The following CCDC47 variants were observed in gnomAD, a reference collection of about 807,000 sequenced individuals.
CCDC47 encodes coiled-coil domain containing 47.
CCDC47 carries 41 observed loss-of-function variants against 60.5 expected under a neutral mutation model. The ratio of observed to expected loss-of-function variants is 0.68; its 90% CI spans 0.53 to 0.88. CCDC47 has a LOEUF of 0.88. Ranked by LOEUF, CCDC47 falls within the 40% of genes least tolerant of loss-of-function variation. CCDC47 has a pLI of 0.00. For synonymous variants in CCDC47, 195 were observed against 190.7 expected (o/e 1.02, Z -0.18); for missense variants, 513 against 580.9 (o/e 0.88, Z 1.20).
chr17:63,751,902 C>T (rs1183296144), intron 12 of CCDC47, 38 bp downstream of exon 12: 6 of 1,609,204 alleles, frequency 3.7e-6, no homozygotes, highest in Admixed American at 3.3e-5. Context: ...GTCATCCTTA[C>T]AAATCGTAGT....
At chr17:63,764,582 C>T (rs1265557348) in intron 3 of CCDC47, among the ~76,000 whole-genome samples, 158 bp downstream of exon 3, 3 of 150,470 alleles carry the variant, frequency 2.0e-5, no homozygotes, top group Non-Finnish European at 3.0e-5. Context: ...TTTTTTGAGA[C>T]GGAGAGGTGT....
At chr17:63,753,628 T>G in intron 9 of CCDC47, 1 of 982,410 alleles carries the variant, frequency 1.0e-6, no homozygotes, top group Non-Finnish European at 1.2e-6. Context: ...CCTGAATATG[T>G]ACTCCTGAAC....
At chr17:63,764,230 C>T in intron 3 of CCDC47, 40 bp from the exon 4 acceptor site, 1 of 1,460,560 alleles carries the variant, frequency 6.8e-7, no homozygotes, top group Non-Finnish European at 9.2e-7. Context: ...TTGGCTGAGA[C>T]TGAAGAATGA....
chr17:63,751,902 C>A, intron 12 of CCDC47, 38 bp downstream of exon 12: 8 of 1,609,322 alleles, frequency 5.0e-6, no homozygotes, highest in Non-Finnish European at 6.0e-6. Flanking sequence ...GTCATCCTTA[C>A]AAATCGTAGT....
intron 12 of CCDC47, chr17:63,751,639 T>A: frequency 3.8e-6 from 2 of 529,540 alleles, no homozygotes; most frequent in African/African-American, 3.8e-5. Flanking sequence ...TCTATTAAAA[T>A]TTCTAACTTC....
chr17:63,761,621 C>T lies in CCDC47; in HGVS notation c.548-270G>A, dbSNP rs1033724926. 3.0e-5 allele frequency: 7 copies of T among 231,070 alleles called. 1 individual carries two copies. The highest frequency in any genetic ancestry group is 1.7e-3 in the Middle Eastern group (1 of 582). 14.3% of individuals were successfully genotyped at this position (231,070 alleles called of 1,614,324 possible). A position where few individuals can be genotyped will look rare whatever the true frequency, so the allele number is the denominator to read the frequency against. ...CTGAGGCAGGAGAATAGCTTGAACC[C>T]GGCAGGCGGAGGTTGCAGTGAGCTG... On this transcript the variant is annotated intron_variant, in intron 4 of 12. Transcript: ENST00000225726.
rs2144488957 is a variant in CCDC47 at position 63,761,314 on chromosome 17, T to G, written c.585A>C (p.Gly195=). 6.2e-7 allele frequency: 1 copy of G among 1,614,086 alleles called. No homozygotes were observed. Among genetic ancestry groups the G allele is most frequent in the Non-Finnish European group, 8.5e-7 (1 of 1,180,006 alleles). ...TGTGCTCATTCTCCTGGTTCAACTT[T>G]CCTGTGCTTGTGGCTTCTTTGTTAG... ...DGTNKEATST[G]KLNQENEHIY... The change falls in exon 5 of 13, where the codon GGA becomes GGC. Residue 195 remains glycine (G), a synonymous_variant. Coordinates refer to ENST00000225726, the MANE Select transcript of CCDC47 (RefSeq NM_020198.3).
At chr17:63,762,770 G>T (rs996339147) in intron 4 of CCDC47, among the ~76,000 whole-genome samples, 16 of 152,190 alleles carry the variant, frequency 1.1e-4, no homozygotes, top group African/African-American at 2.7e-4. Flanking sequence ...TGAATTGAGA[G>T]CATTTATCAA....
At position 63,752,723 on chromosome 17, in the gene CCDC47, AGGACCCAGAAT is replaced by A. The variant is rs1568246575; in HGVS notation, c.1093+7_1093+17del. On this transcript the variant is annotated splice_region_variant and intron_variant, in intron 10 of 12. Transcript: ENST00000225726. ...CTCAGAGAAGACTAAGAACCCAGAA[AGGACCCAGAAT>A]ACTTACCATTAAATGTAAACAACAG... 1 of 1,605,158 alleles carries A rather than the reference AGGACCCAGAAT, an allele frequency of 6.2e-7. No individual in the cohort carries two copies. The highest frequency in any genetic ancestry group is 8.5e-7 in the Non-Finnish European group (1 of 1,177,062).
intron 9 of CCDC47, 71 bp from the exon 10 acceptor site, chr17:63,752,870 T>TC: frequency 6.4e-7 from 1 of 1,564,746 alleles, no homozygotes; most frequent in East Asian, 2.4e-5. Flanking sequence ...AGTCACCCAA[T>TC]ACACTTAGAT....
intron 12 of CCDC47, among the ~76,000 whole-genome samples, chr17:63,750,899 C>T (rs1198873326): frequency 1.4e-4 from 20 of 146,192 alleles, no homozygotes; most frequent in Non-Finnish European, 2.6e-4. Flanking sequence ...TCCTCTCCCT[C>T]TTTTTTTTTT....
chr17:63,769,037 T>C (rs1375581449), intron 1 of CCDC47, among the ~76,000 whole-genome samples: 3 of 150,762 alleles, frequency 2.0e-5, no homozygotes, highest in South Asian at 2.1e-4. Flanking sequence ...TGAGCTGAGA[T>C]TGTACCACTG....
chr17:63,770,302 G>A (rs2039328461), intron 1 of CCDC47, among the ~76,000 whole-genome samples: 1 of 151,500 alleles, frequency 6.6e-6, no homozygotes, highest in African/African-American at 2.4e-5. Context: ...GTGTACTTTT[G>A]TCACTAGAGA....
Position 63,754,495 on chromosome 17 carries a change from A to G in CCDC47, c.972T>C (p.Tyr324=), listed in dbSNP as rs1021661469. 3.1e-6 allele frequency: 5 copies of G among 1,608,744 alleles called. No individual in the cohort carries two copies. In the Admixed American group the frequency reaches 8.4e-5, roughly 27 times the overall value. Residue 324 remains tyrosine, a synonymous_variant, in exon 9 of 13, where the codon TAT becomes TAC. Transcript: ENST00000225726. ...AATGAACAGATTCAATCTTGTCAGC[A>G]TAGTGTGTAAGAAAGTGAACCATCT... The part of the protein sequence containing the change: ...DTKMVHFLTH[Y]ADKIESVHFS...
chr17:63,766,527 G>A lies in CCDC47; in HGVS notation c.-19-333C>T, dbSNP rs191299435. Among the ~76,000 whole-genome samples the A allele has an allele frequency of 5.0e-3, 768 of 152,210 alleles. 18 individuals carry two copies. Among genetic ancestry groups the A allele is most frequent in the African/African-American group, 0.018 (734 of 41,542 alleles). On this transcript the variant is annotated intron_variant, in intron 1 of 12. Transcript: ENST00000225726. Reference sequence around the variant, plus strand: ...CAACCTCTGCCTCCTGGGTTCAAGCGATTCTCCTGCCTCAGCCTCCCGAGT... The same window carrying A: ...CAACCTCTGCCTCCTGGGTTCAAGCAATTCTCCTGCCTCAGCCTCCCGAGT...
At chr17:63,752,829 G>A (rs2039177669) in intron 9 of CCDC47, 30 bp from the exon 10 acceptor site, 1 of 1,601,850 alleles carries the variant, frequency 6.2e-7, no homozygotes, top group Non-Finnish European at 8.5e-7. Context: ...AATTAAGAAG[G>A]AATACAAGAA....
rs891915519 is a variant in CCDC47 at position 63,761,568 on chromosome 17, G to A, written c.548-217C>T. The A allele has an allele frequency of 1.0e-4, 33 of 331,286 alleles. No individual in the cohort carries two copies. The Admixed American group carries it at 1.1e-3, about 11-fold the overall frequency. The allele number at this position is 331,286 out of a possible 1,614,324, so 20.5% of individuals were successfully genotyped here. On this transcript the variant is annotated intron_variant, in intron 4 of 12. Coordinates refer to ENST00000225726, the MANE Select transcript of CCDC47 (RefSeq NM_020198.3). Reference sequence around the variant, plus strand: ...AAAAATTAGCCGGGCATGGTGGCGCGTACCTGTAGTCCCAGCTACTCAGGA... The same window carrying A: ...AAAAATTAGCCGGGCATGGTGGCGCATACCTGTAGTCCCAGCTACTCAGGA...
At chr17:63,769,263 A>AC (rs2039318779) in intron 1 of CCDC47, among the ~76,000 whole-genome samples, 1 of 150,918 alleles carries the variant, frequency 6.6e-6, no homozygotes, top group Non-Finnish European at 1.5e-5. Context: ...AAAAAAAAAA[A>AC]CAAAATGTTA....
At chr17:63,765,706 A>T in intron 2 of CCDC47, 1 of 1,384,878 alleles carries the variant, frequency 7.2e-7, no homozygotes, top group Non-Finnish European at 9.3e-7. Flanking sequence ...CCCCTCTTCC[A>T]GTCAGGGTTT....
Sources: gnomAD v4.1 joint callset for allele counts (sites outside exome capture counted in the v4.1 genomes callset) on GRCh38, gnomAD v4.1.1 for gene constraint, MANE v1.5 for transcripts, NCBI Gene and HGNC (gene_info 2026-07-23, HGNC 2026-07-21) for gene names.